Variants in ADAMTS17 observed in about 807,000 individuals in gnomAD.
ADAMTS17 encodes the protein A disintegrin and metalloproteinase with thrombospondin motifs 17.
In ADAMTS17, 113 loss-of-function variants were observed where a neutral mutation model predicts 141.5. The ratio of observed to expected loss-of-function variants is 0.80; its 90% CI spans 0.69 to 0.93. The LOEUF (loss-of-function observed/expected upper bound fraction) is 0.93. ADAMTS17 is among the 40% of genes least tolerant of loss of function. The probability of loss-of-function intolerance (pLI) is 0.00; values close to 1 mark genes in which losing one functional copy is unlikely to be tolerated. For synonymous variants in ADAMTS17, 768 were observed against 630.6 expected (o/e 1.22, Z -3.27); for missense variants, 1,659 against 1,517.9 (o/e 1.09, Z -1.54).
intron 3 of ADAMTS17, among the ~76,000 whole-genome samples, chr15:100,286,384 T>C (rs1327928072): frequency 2.0e-5 from 3 of 152,014 alleles, no homozygotes; most frequent in Non-Finnish European, 4.4e-5. Flanking sequence ...AGATCCCACT[T>C]CCACCGCTCC....
intron 18 of ADAMTS17, among the ~76,000 whole-genome samples, chr15:100,020,492 A>G (rs537192140): frequency 6.6e-6 from 1 of 152,048 alleles, no homozygotes; most frequent in South Asian, 2.1e-4. Context: ...CTGAATCCCC[A>G]CCCACAACTA....
intron 8 of ADAMTS17, among the ~76,000 whole-genome samples, chr15:100,171,326 G>A (rs935789137): frequency 1.3e-5 from 2 of 152,152 alleles, no homozygotes; most frequent in Non-Finnish European, 2.9e-5. Flanking sequence ...GGGCTTTATG[G>A]CCTCATTATT....
chr15:100,154,091 G>A (rs2039318170), intron 9 of ADAMTS17, among the ~76,000 whole-genome samples: 2 of 152,142 alleles, frequency 1.3e-5, no homozygotes, highest in Non-Finnish European at 2.9e-5. Context: ...TGAGGCAGGA[G>A]AATTGCTTGA....
At chr15:100,310,215 T>C (rs768292959) in intron 3 of ADAMTS17, among the ~76,000 whole-genome samples, 2 of 152,094 alleles carry the variant, frequency 1.3e-5, no homozygotes, top group Non-Finnish European at 2.9e-5. Context: ...ACCATTCAGA[T>C]GATACCCCCA....
chr15:100,159,654 G>A (rs866197917), intron 8 of ADAMTS17, among the ~76,000 whole-genome samples: 4 of 152,224 alleles, frequency 2.6e-5, no homozygotes, highest in South Asian at 2.1e-4. Context: ...TGTAACCATT[G>A]CATGTGGACC....
intron 7 of ADAMTS17, among the ~76,000 whole-genome samples, chr15:100,223,186 A>AG (rs1397186900): frequency 6.6e-6 from 1 of 152,170 alleles, no homozygotes; most frequent in Non-Finnish European, 1.5e-5. Flanking sequence ...GTGGGGACTA[A>AG]GGCAAACTGG....
At chr15:100,138,450 G>A (rs527526666) in intron 10 of ADAMTS17, among the ~76,000 whole-genome samples, 1 of 152,158 alleles carries the variant, frequency 6.6e-6, no homozygotes, top group Non-Finnish European at 1.5e-5. Flanking sequence ...TATTAACACT[G>A]TTGAATATAA....
chr15:100,156,845 A>T (rs2141380408), intron 8 of ADAMTS17, among the ~76,000 whole-genome samples: 1 of 152,356 alleles, frequency 6.6e-6, no homozygotes, highest in African/African-American at 2.4e-5. Context: ...ATGCACATAT[A>T]AAAGAAACTA....
intron 8 of ADAMTS17, among the ~76,000 whole-genome samples, chr15:100,164,211 T>C (rs149987292): frequency 2.6e-5 from 4 of 152,126 alleles, no homozygotes; most frequent in African/African-American, 9.7e-5. Flanking sequence ...ATGGCTTTGA[T>C]GAGAAGGTGT....
At chr15:100,255,902 C>T (rs979821527) in intron 6 of ADAMTS17, among the ~76,000 whole-genome samples, 9 of 152,296 alleles carry the variant, frequency 5.9e-5, no homozygotes, top group Non-Finnish European at 1.2e-4. Flanking sequence ...TGACAGACCC[C>T]GAGGTACCAC....
At chr15:100,283,620 G>C (rs574800572) in intron 3 of ADAMTS17, among the ~76,000 whole-genome samples, 3 of 152,140 alleles carry the variant, frequency 2.0e-5, no homozygotes, top group African/African-American at 7.2e-5. Flanking sequence ...TTGGTTATTC[G>C]GTACTTGTTT....
intron 8 of ADAMTS17, among the ~76,000 whole-genome samples, chr15:100,197,246 C>T (rs2041154593): frequency 6.6e-6 from 1 of 152,246 alleles, no homozygotes; most frequent in Non-Finnish European, 1.5e-5. Flanking sequence ...ATGTGCCATG[C>T]TGCTGGATGC....
chr15:100,227,856 G>C (rs2141831822), intron 7 of ADAMTS17, among the ~76,000 whole-genome samples: 1 of 152,368 alleles, frequency 6.6e-6, no homozygotes, highest in Admixed American at 6.5e-5. Context: ...CAATGTATAA[G>C]AGAGGGGCAT....
chr15:100,090,497 T>A (rs1011898583), intron 15 of ADAMTS17, among the ~76,000 whole-genome samples: 1 of 152,158 alleles, frequency 6.6e-6, no homozygotes, highest in Non-Finnish European at 1.5e-5. Flanking sequence ...GGTATCCACA[T>A]CTATTCTTAA....
rs34587489 is a variant in ADAMTS17 at position 100,066,382 on chromosome 15, A to ATT, written c.2138-12330_2138-12329dup. On this transcript the variant is annotated intron_variant, in intron 15 of 21. Coordinates refer to ENST00000268070, the MANE Select transcript of ADAMTS17 (RefSeq NM_139057.4). ...GATGGCATATGGATACACGTCTTAG[A>ATT]TTTTTTTTTTTAAATTATTTCATAC... 6.0e-4 allele frequency among the ~76,000 whole-genome samples: 91 copies of ATT among 150,620 alleles called. 1 individual carries two copies. The highest frequency in any genetic ancestry group is 2.0e-3 in the East Asian group (10 of 5,128).
intron 3 of ADAMTS17, among the ~76,000 whole-genome samples, chr15:100,314,120 A>G (rs1008543994): frequency 2.6e-5 from 4 of 152,266 alleles, no homozygotes; most frequent in African/African-American, 9.6e-5. Flanking sequence ...ATCCTACAAA[A>G]TAACTAGTCT....
At chr15:100,299,919 C>T (rs930464790) in intron 3 of ADAMTS17, among the ~76,000 whole-genome samples, 1 of 152,206 alleles carries the variant, frequency 6.6e-6, no homozygotes, top group African/African-American at 2.4e-5. Context: ...ACAGCCCTCT[C>T]TCCTCTGTAC....
rs900832969 is a variant in ADAMTS17, at chr15:99,976,157, C to A, written c.3015G>T (p.Gly1005=). 4 of 1,550,638 alleles carry A rather than the reference C, an allele frequency of 2.6e-6. No homozygotes were observed. The highest frequency in any genetic ancestry group is 3.5e-6 in the Non-Finnish European group (4 of 1,146,994). The part of the protein sequence containing the change: ...RVVQCMHKVT[G]RHGSECPALS... ...GGGCGGGGCACTCGCTGCCGTGGCG[C>A]CCTGTGACCTTGTGCATGCACTGCA... Residue 1005 remains glycine (G), a synonymous_variant, in exon 21 of 22, where the codon GGG becomes GGT. Transcript: ENST00000268070.
At chr15:100,168,565 A>AAC (rs145278457) in intron 8 of ADAMTS17, 3,198 of 152,420 alleles carry the variant, frequency 0.021, 135 homozygotes, top group East Asian at 0.17. Context: ...ACCCCAGGCT[A>AAC]ACAGTCAACC....
Sources: gnomAD v4.1 joint callset for allele counts (sites outside exome capture counted in the v4.1 genomes callset) on GRCh38, gnomAD v4.1.1 for gene constraint, MANE v1.5 for transcripts, NCBI Gene and HGNC (gene_info 2026-07-23, HGNC 2026-07-21) for gene names.